TMEM68: variants seen among roughly 807,000 people sequenced by gnomAD.
The protein encoded by TMEM68 is transmembrane protein 68.
In TMEM68, 25 loss-of-function variants were observed where a neutral mutation model predicts 36.9. That is an observed-to-expected ratio of 0.68 (90% confidence interval 0.49 to 0.95). The LOEUF (loss-of-function observed/expected upper bound fraction) is 0.95, where lower values mean the gene tolerates loss of function less well. Among genes scored for constraint, TMEM68 ranks in the 40% least tolerant of loss-of-function variants. TMEM68 has a pLI of 0.00. For missense variants in TMEM68, 333 were observed against 392.0 expected (o/e 0.85, Z 1.27); for synonymous variants, 131 against 124.4 (o/e 1.05, Z -0.35).
chr8:55,752,532 G>A (rs1447049332), intron 4 of TMEM68, among the ~76,000 whole-genome samples: 2 of 151,946 alleles, frequency 1.3e-5, no homozygotes, highest in Non-Finnish European at 2.9e-5. Context: ...AGGTTGCAGT[G>A]AGCAAAGATC....
At chr8:55,754,614 T>C (rs1314388419) in intron 4 of TMEM68, among the ~76,000 whole-genome samples, 2 of 133,492 alleles carry the variant, frequency 1.5e-5, no homozygotes, top group South Asian at 2.1e-4. Flanking sequence ...ATATTTATAT[T>C]ATATATAAAA....
intron 3 of TMEM68, chr8:55,761,215 C>T (rs1435904208): frequency 1.3e-5 from 2 of 152,168 alleles, no homozygotes; most frequent in Admixed American, 6.5e-5. Context: ...AGTGCATTAC[C>T]ACTCTAGTCC....
chr8:55,759,249 T>G (rs1450723758), intron 3 of TMEM68, among the ~76,000 whole-genome samples: 1 of 114,078 alleles, frequency 8.8e-6, no homozygotes, highest in African/African-American at 3.1e-5. Context: ...GTGAAATCCC[T>G]GTCTCTACAA....
In TMEM68 at chr8:55,762,827, A is replaced by G. The variant is rs961806407; in HGVS notation, c.133T>C (p.Leu45=). The G allele has an allele frequency of 6.2e-7, 1 of 1,614,212 alleles. No homozygotes were observed. Residue 45 remains leucine (L), a synonymous_variant, in exon 3 of 8, where the codon TTG becomes CTG. Coordinates refer to ENST00000434581, the MANE Select transcript of TMEM68 (RefSeq NM_001286657.2). ...EDYLNFANYL[L]WVFTPLILLI... is the part of the protein sequence containing the mutation. ...AGTATTAGTGGTGTAAAAACCCACAAGAGATAGTTTGCAAAATTCAAATAG... is the reference window on the plus strand; with the variant it reads ...AGTATTAGTGGTGTAAAAACCCACAGGAGATAGTTTGCAAAATTCAAATAG...
intron 3 of TMEM68, chr8:55,762,364 T>C (rs1169317149): frequency 4.6e-6 from 2 of 437,036 alleles, no homozygotes; most frequent in Non-Finnish European, 7.9e-6. Flanking sequence ...CTTACTCTTT[T>C]AGATGTTTTA....
intron 7 of TMEM68, among the ~76,000 whole-genome samples, 183 bp from the exon 8 acceptor site, chr8:55,740,401 A>T (rs1422906078): frequency 6.6e-6 from 1 of 152,090 alleles, no homozygotes; most frequent in Non-Finnish European, 1.5e-5. Context: ...CTGGGGCTCA[A>T]GCAATTCTCC....
intron 4 of TMEM68, among the ~76,000 whole-genome samples, chr8:55,752,727 T>G (rs1810458312): frequency 1.3e-5 from 2 of 149,680 alleles, no homozygotes; most frequent in African/African-American, 4.9e-5. Context: ...ATCCCTTTTT[T>G]TTTTTTTTTT....
rs527979186 is a variant in TMEM68, at chr8:55,769,766, G to A, written c.-115+3503C>T. 3.3e-5 allele frequency among the ~76,000 whole-genome samples: 5 copies of A among 152,204 alleles called. No homozygotes were observed. The South Asian group carries it at 1.0e-3, about 32-fold the overall frequency. On this transcript the variant is annotated intron_variant, in intron 1 of 7. Coordinates refer to ENST00000434581, the MANE Select transcript of TMEM68 (RefSeq NM_001286657.2). ...TCATACCTCAGCCTCCCGTGTAGCTGGGACTACAGGCAAGCACCACTGCAC... is the reference window on the plus strand; with the variant it reads ...TCATACCTCAGCCTCCCGTGTAGCTAGGACTACAGGCAAGCACCACTGCAC...
At chr8:55,765,602 G>C (rs994405143) in intron 1 of TMEM68, among the ~76,000 whole-genome samples, 1 of 152,036 alleles carries the variant, frequency 6.6e-6, no homozygotes, top group African/African-American at 2.4e-5. Context: ...TTGGTAACTC[G>C]ATCATACTGA....
chr8:55,740,522 T>C (rs964713253), intron 7 of TMEM68, among the ~76,000 whole-genome samples: 1 of 152,056 alleles, frequency 6.6e-6, no homozygotes, highest in African/African-American at 2.4e-5. Context: ...GTTGTCCACG[T>C]GTCTATTTTC....
At position 55,757,094 on chromosome 8, in the gene TMEM68, C is replaced by T. The variant is rs148274909; in HGVS notation, c.326-683G>A. Among the ~76,000 whole-genome samples the T allele has an allele frequency of 2.9e-3, 444 of 152,206 alleles. 3 individuals carry two copies. The highest frequency in any genetic ancestry group is 0.01 in the African/African-American group (426 of 41,534). On this transcript the variant is annotated intron_variant, in intron 3 of 7. Coordinates refer to ENST00000434581, the MANE Select transcript of TMEM68 (RefSeq NM_001286657.2). ...CACTGTTAGAGGAGGGGGTTGAAAA[C>T]ATTAAAAATACTGTACAGTATTACT...
At chr8:55,753,989 G>A (rs1427999094) in intron 4 of TMEM68, among the ~76,000 whole-genome samples, 5 of 152,024 alleles carry the variant, frequency 3.3e-5, no homozygotes, top group Non-Finnish European at 4.4e-5. Context: ...CTACTAGGGA[G>A]GCTGAGGCAG....
intron 1 of TMEM68, among the ~76,000 whole-genome samples, chr8:55,770,512 A>C (rs1040613461): frequency 6.6e-6 from 1 of 152,148 alleles, no homozygotes. Context: ...CCTTGTCTCT[A>C]CCAAAAAAAG....
chr8:55,768,143 TAA>T (rs75152350), intron 1 of TMEM68, among the ~76,000 whole-genome samples: 23 of 139,198 alleles, frequency 1.7e-4, no homozygotes, highest in Non-Finnish European at 2.2e-4. Flanking sequence ...GAGACAGCTT[TAA>T]AAAAAAAAAA....
chr8:55,771,006 T>C (rs751567669), intron 1 of TMEM68, among the ~76,000 whole-genome samples: 1 of 151,936 alleles, frequency 6.6e-6, no homozygotes, highest in Non-Finnish European at 1.5e-5. Flanking sequence ...AAATACAAAA[T>C]TATCCAGGTG....
At chr8:55,743,279 C>A (rs1169980811) in intron 7 of TMEM68, among the ~76,000 whole-genome samples, 1 of 152,122 alleles carries the variant, frequency 6.6e-6, no homozygotes, top group African/African-American at 2.4e-5. Flanking sequence ...TGTAGCACTC[C>A]CCTCACGGCC....
chr8:55,757,560 T>C (rs2129984442), intron 3 of TMEM68, among the ~76,000 whole-genome samples: 1 of 152,190 alleles, frequency 6.6e-6, no homozygotes, highest in African/African-American at 2.4e-5. Context: ...GAAGAAAACC[T>C]GTCAGGCGCT....
chr8:55,746,554 GAATT>G (rs781633521), intron 5 of TMEM68: 7 of 151,992 alleles, frequency 4.6e-5, no homozygotes, highest in Non-Finnish European at 1.0e-4. Context: ...ATAATATACT[GAATT>G]AAATGATGTT....
intron 1 of TMEM68, among the ~76,000 whole-genome samples, chr8:55,769,322 CAAAAAAAAA>C (rs56065552): frequency 1.4e-5 from 1 of 71,602 alleles, no homozygotes; most frequent in East Asian, 5.3e-4. Context: ...AATCCCATCT[CAAAAAAAAA>C]AAAAAAAAAA....
Sources: allele counts gnomAD v4.1 joint callset (sites outside exome capture counted in the v4.1 genomes callset), GRCh38; gene constraint gnomAD v4.1.1; transcripts MANE v1.5; gene names NCBI Gene and HGNC (gene_info 2026-07-23, HGNC 2026-07-21).